The following SLC4A2 variants were observed in gnomAD, a reference collection of about 807,000 sequenced individuals.
The protein encoded by SLC4A2 is anion exchange protein 2.
A neutral mutation model predicts 115.0 loss-of-function variants in SLC4A2; 36 were observed. That is an observed-to-expected ratio of 0.31 (90% CI 0.24 to 0.41). The LOEUF (loss-of-function observed/expected upper bound fraction) is 0.41, where lower values mean the gene tolerates loss of function less well. Ranked by LOEUF, SLC4A2 falls within the 10% of genes least tolerant of loss-of-function variation. SLC4A2 has a pLI of 1.00. For missense variants in SLC4A2, 1,252 were observed against 1,705.6 expected, an observed-to-expected ratio of 0.73 and a Z score of 4.68; for synonymous variants, 708 against 708.3, an observed-to-expected ratio of 1.00 and a Z score of 0.01.
In SLC4A2 at chr7:151,070,217, C is replaced by A; in HGVS notation, c.1320C>A (p.Arg440=). ...ATGAGAAGGACTTCTCCTTCCCCCG[C>A]AACATCTCAGCTGGCTCCCTGGGCT... ...PSDEKDFSFP[R]NISAGSLGSL... The change falls in exon 10 of 23, where the codon CGC becomes CGA. Residue 440 remains arginine, a synonymous_variant. Coordinates refer to ENST00000413384, the MANE Select transcript of SLC4A2 (RefSeq NM_003040.4). 2 of 1,614,148 alleles carry A rather than the reference C, an allele frequency of 1.2e-6. No homozygotes were observed. The highest frequency in any genetic ancestry group is 1.7e-6 in the Non-Finnish European group (2 of 1,180,040).
At position 151,070,188 on chromosome 7, in the gene SLC4A2, A is replaced by G; in HGVS notation, c.1291A>G (p.Ser431Gly). 1 of 1,614,088 alleles carries G rather than the reference A, an allele frequency of 6.2e-7. No homozygotes were observed. Among genetic ancestry groups the G allele is most frequent in the Non-Finnish European group, 8.5e-7 (1 of 1,180,022 alleles). Residue 431 changes from serine to glycine, a missense_variant, in exon 10 of 23, where the codon AGT becomes GGT. Coordinates refer to ENST00000413384, the MANE Select transcript of SLC4A2 (RefSeq NM_003040.4). Reference protein sequence around the residue: ...RALLLKHSHPSDEKDFSFPRN... With the variant: ...RALLLKHSHPGDEKDFSFPRN... ...TGCCCTCTGCCCCACCAGCCACCCA[A>G]GTGATGAGAAGGACTTCTCCTTCCC...
rs1158626894 is a variant in SLC4A2, at chr7:151,067,890, A to G, written c.983A>G (p.Asn328Ser). The G allele has an allele frequency of 6.2e-7, 1 of 1,612,048 alleles. No individual in the cohort carries two copies. Among genetic ancestry groups the G allele is most frequent in the Non-Finnish European group, 8.5e-7 (1 of 1,179,470 alleles). The part of the protein sequence containing the change: ...HKPHEVFVEL[N>S]ELLLDKNQEP... ...CTCCCCAAGGTGTTTGTGGAGCTGA[A>G]TGAGTTGCTCCTGGACAAAAACCAG... is the stretch of plus-strand genomic sequence containing the variant. Residue 328 changes from asparagine to serine, a missense_variant, in exon 8 of 23, where the codon AAT becomes AGT. By Grantham distance (46) the Asn-to-Ser change is conservative. Transcript: ENST00000413384.
Position 151,066,384 on chromosome 7 carries a change from C to T in SLC4A2, c.579-133C>T, listed in dbSNP as rs549766416. 11 of 1,087,828 alleles carry T rather than the reference C, an allele frequency of 1.0e-5. No homozygotes were observed. In the East Asian group the frequency reaches 2.6e-4, roughly 26 times the overall value. 67.4% of individuals were successfully genotyped at this position (1,087,828 alleles called of 1,614,324 possible). Reference sequence around the variant, plus strand: ...AGAATCCTCCCCCTCCCCGTGCCCGCACCTCCCGGGAGTGGGAGCTAGGAG... The same window carrying T: ...AGAATCCTCCCCCTCCCCGTGCCCGTACCTCCCGGGAGTGGGAGCTAGGAG... On this transcript the variant is annotated intron_variant, in intron 5 of 22. Transcript: ENST00000413384.
chr7:151,067,208 C>G (rs1584988315), intron 7 of SLC4A2, among the ~76,000 whole-genome samples: 1 of 152,226 alleles, frequency 6.6e-6, no homozygotes, highest in East Asian at 1.9e-4. Flanking sequence ...CCTGCCTCAG[C>G]CTCCTGAGTA....
In SLC4A2 at chr7:151,064,788, T is replaced by C. The variant is rs370322416; in HGVS notation, c.459+21T>C. ...TGCAGGTGCGCTGGGTGCGGGCTCC[T>C]AGGGCATGTCGGCAGGGCCCTGGCC... On this transcript the variant is annotated intron_variant, in intron 4 of 22. Coordinates refer to ENST00000413384, the MANE Select transcript of SLC4A2 (RefSeq NM_003040.4). 4.9e-5 allele frequency: 79 copies of C among 1,608,256 alleles called. No homozygotes were observed. The African/African-American group carries it at 9.8e-4, about 20-fold the overall frequency.
chr7:151,072,206 C>G, intron 16 of SLC4A2, 70 bp downstream of exon 16: 1 of 1,406,660 alleles, frequency 7.1e-7, no homozygotes, highest in East Asian at 2.3e-5. Context: ...GTCTCTTGGT[C>G]CCATCCTCTG....
chr7:151,064,396 T>TG (rs755229241), intron 3 of SLC4A2, 29 bp downstream of exon 3: 4 of 210,728 alleles, frequency 1.9e-5, no homozygotes, highest in African/African-American at 2.6e-4. Flanking sequence ...GAGGGGGAGG[T>TG]GGGGGGATCA....
At chr7:151,062,132 C>T in intron 2 of SLC4A2, 94 bp downstream of exon 2, 1 of 999,978 alleles carries the variant, frequency 1.0e-6, no homozygotes, top group Non-Finnish European at 1.5e-6. Flanking sequence ...GGGGTGTGAG[C>T]GTGTGTGAGT....
Position 151,074,462 on chromosome 7 carries a change from T to C in SLC4A2, c.2854T>C (p.Tyr952His). 6.2e-7 allele frequency: 1 copy of C among 1,614,054 alleles called. No homozygotes were observed. The highest frequency in any genetic ancestry group is 1.7e-5 in the Admixed American group (1 of 60,024). The change falls in exon 18 of 23, where the codon TAC becomes CAC. Residue 952 changes from tyrosine to histidine, a missense_variant. By Grantham distance (83) the Tyr-to-His change is moderately conservative. This residue lies in a region of SLC4A2 where 253 missense variants were observed against 407.4 expected (regional missense o/e 0.62). Coordinates refer to ENST00000413384, the MANE Select transcript of SLC4A2 (RefSeq NM_003040.4). ...IAILIMVLVD[Y>H]SIEDTYTQKL... ...CATCCTCATCATGGTGCTTGTGGATTACAGTATTGAGGACACCTATACCCA... is the reference window on the plus strand; with the variant it reads ...CATCCTCATCATGGTGCTTGTGGATCACAGTATTGAGGACACCTATACCCA...
chr7:151,063,017 T>C, intron 2 of SLC4A2: 7 of 1,454,456 alleles, frequency 4.8e-6, no homozygotes, highest in Non-Finnish European at 6.3e-6. Flanking sequence ...GTCCAGAAGC[T>C]CTTGAGCAAA....
rs545550305 is a variant in SLC4A2, at chr7:151,075,029, G to A, written c.3047+188G>A. ...ATGTTTGCTGGGACAGGAACAGCAC[G>A]TGGAGGGGCAGGCCACCCTGGCAGT... On this transcript the variant is annotated intron_variant, in intron 19 of 22. Transcript: ENST00000413384. 4.8e-5 allele frequency: 42 copies of A among 875,322 alleles called. No homozygotes were observed. The Admixed American group carries it at 6.1e-4, about 13-fold the overall frequency. 54.2% of individuals were successfully genotyped at this position (875,322 alleles called of 1,614,324 possible). A position where few individuals can be genotyped will look rare whatever the true frequency, so the allele number is the denominator to read the frequency against.
In SLC4A2 at chr7:151,066,499, G is replaced by T; in HGVS notation, c.579-18G>T. Reference sequence around the variant, plus strand: ...GGAGGCCAGGTTTCTCGGGCTCACGGCCATTCTGTCTGCCTAGAACCCAGG... The same window carrying T: ...GGAGGCCAGGTTTCTCGGGCTCACGTCCATTCTGTCTGCCTAGAACCCAGG... On this transcript the variant is annotated intron_variant, in intron 5 of 22. Coordinates refer to ENST00000413384, the MANE Select transcript of SLC4A2 (RefSeq NM_003040.4). The T allele has an allele frequency of 6.7e-7, 1 of 1,486,444 alleles. No individual in the cohort carries two copies. Among genetic ancestry groups the T allele is most frequent in the Non-Finnish European group, 8.9e-7 (1 of 1,118,956 alleles). 92.1% of individuals were successfully genotyped at this position (1,486,444 alleles called of 1,614,324 possible). A position where few individuals can be genotyped will look rare whatever the true frequency, so the allele number is the denominator to read the frequency against.
intron 5 of SLC4A2, among the ~76,000 whole-genome samples, chr7:151,066,224 G>C (rs1797223722): frequency 6.6e-6 from 1 of 152,252 alleles, no homozygotes; most frequent in Non-Finnish European, 1.5e-5. Context: ...ACCGCCAAAG[G>C]CTGGTCTCAG....
intron 5 of SLC4A2, among the ~76,000 whole-genome samples, chr7:151,065,680 C>T (rs150872478): frequency 1.1e-3 from 174 of 152,294 alleles, no homozygotes; most frequent in African/African-American, 3.8e-3. Flanking sequence ...CTGCTGGGAC[C>T]GTGGCACAGA....
chr7:151,071,431 G>T lies in SLC4A2; in HGVS notation c.2017G>T (p.Asp673Tyr). The T allele has an allele frequency of 6.2e-7, 1 of 1,604,558 alleles. No homozygotes were observed. Residue 673 changes from aspartate to tyrosine, a missense_variant, in exon 14 of 23, where the codon GAT becomes TAT. Around this residue, in one of 14 missense-constraint regions of SLC4A2, gnomAD observed 122 missense variants for 116.8 expected, o/e 1.04. Transcript: ENST00000413384. The surrounding 1 kb of genome is among the most constrained non-coding windows in gnomAD (Gnocchi z 5.5). ...MVEAAGAAED[D>Y]PLRRTGRPFG... is the part of the protein sequence containing the mutation. Reference sequence around the variant, plus strand: ...AGAGGCGGCAGGGGCAGCTGAAGATGATCCCCTTCGGCGGACGGGGCGGCC... The same window carrying T: ...AGAGGCGGCAGGGGCAGCTGAAGATTATCCCCTTCGGCGGACGGGGCGGCC...
In SLC4A2 at chr7:151,066,630, G is replaced by A. The variant is rs1250548225; in HGVS notation, c.692G>A (p.Arg231His). The change falls in exon 6 of 23, where the codon CGC becomes CAC. Residue 231 changes from arginine to histidine, a missense_variant. Around this residue, in one of 14 missense-constraint regions of SLC4A2, gnomAD observed 42 missense variants for 93.1 expected, o/e 0.45. Coordinates refer to ENST00000413384, the MANE Select transcript of SLC4A2 (RefSeq NM_003040.4). ...CTGCCCAAAGCCCAGCCTGGGCACC[G>A]CAGCTACAACCTTCAGGAGAGGAGG... Reference protein sequence around the residue: ...RPLPKAQPGHRSYNLQERRRI... With the variant: ...RPLPKAQPGHHSYNLQERRRI... 6 of 1,550,000 alleles carry A rather than the reference G, an allele frequency of 3.9e-6. No individual in the cohort carries two copies. The highest frequency in any genetic ancestry group is 2.4e-5 in the East Asian group (1 of 40,926).
intron 7 of SLC4A2, among the ~76,000 whole-genome samples, chr7:151,067,604 A>G (rs1268948280): frequency 1.3e-5 from 2 of 152,252 alleles, no homozygotes; most frequent in Admixed American, 1.3e-4. Context: ...TGAGGCACGT[A>G]GCGTGCCATG....
Position 151,076,267 on chromosome 7 carries a change from C to G in SLC4A2, c.3646-20C>G. On this transcript the variant is annotated intron_variant, in intron 22 of 22. Coordinates refer to ENST00000413384, the MANE Select transcript of SLC4A2 (RefSeq NM_003040.4). ...AGGCCCCCCCACTTCCCTTCTTGAC[C>G]GCCACCTCCCCACACACAGCTGGAT... The G allele has an allele frequency of 1.9e-6, 3 of 1,579,104 alleles. No homozygotes were observed. Among genetic ancestry groups the G allele is most frequent in the Non-Finnish European group, 2.6e-6 (3 of 1,160,228 alleles).
At chr7:151,062,905 C>A in intron 2 of SLC4A2, 1 of 1,393,990 alleles carries the variant, frequency 7.2e-7, no homozygotes, top group African/African-American at 1.5e-5. Context: ...TAAGACCCGC[C>A]CTTCACCCCA....
Sources: allele counts gnomAD v4.1 joint callset (sites outside exome capture counted in the v4.1 genomes callset), GRCh38; gene constraint gnomAD v4.1.1; regional missense constraint gnomAD v4.1.1; non-coding constraint Gnocchi (gnomAD v3.1); transcripts MANE v1.5; gene names NCBI Gene and HGNC (gene_info 2026-07-23, HGNC 2026-07-21).